Variants in KCTD1 observed in about 807,000 individuals in gnomAD.
KCTD1 encodes the protein BTB/POZ domain-containing protein KCTD1.
A neutral mutation model predicts 66.0 loss-of-function variants in KCTD1; 24 were observed. The observed-to-expected ratio is 0.36, with a 90% CI of 0.26 to 0.51. KCTD1 has a LOEUF of 0.51. Ranked by LOEUF, KCTD1 falls within the 20% of genes least tolerant of loss-of-function variation. KCTD1 has a pLI of 0.95. For synonymous variants in KCTD1, 511 were observed against 517.2 expected (o/e 0.99, Z 0.16); for missense variants, 943 against 1,205.2 (o/e 0.78, Z 3.22).
intron 1 of KCTD1, chr18:26,566,516 G>A (rs549040961): frequency 5.3e-5 from 8 of 152,340 alleles, no homozygotes; most frequent in African/African-American, 1.7e-4. Flanking sequence ...ACAATTCGCT[G>A]AGAAGACAGC....
At chr18:26,500,370 T>C (rs2144677683) in intron 2 of KCTD1, among the ~76,000 whole-genome samples, 1 of 152,034 alleles carries the variant, frequency 6.6e-6, no homozygotes, top group African/African-American at 2.4e-5. Flanking sequence ...CAATGAGCCA[T>C]GTTTGCACCA....
At position 26,509,803 on chromosome 18, in the gene KCTD1, C is replaced by A. The variant is rs1983241665; in HGVS notation, c.1810-8553G>T. Among the ~76,000 whole-genome samples the A allele has an allele frequency of 2.0e-5, 3 of 152,204 alleles. No individual in the cohort carries two copies. The South Asian group carries it at 6.2e-4, about 32-fold the overall frequency. On this transcript the variant is annotated intron_variant, in intron 1 of 4. Coordinates refer to ENST00000580059, the MANE Select transcript of KCTD1 (RefSeq NM_001142730.3). Reference sequence around the variant, plus strand: ...AAGTAAGGGTACAGGAGAAAAAGCCCTGTTCCTTCGGAATCTGAAGACCTG... The same window carrying A: ...AAGTAAGGGTACAGGAGAAAAAGCCATGTTCCTTCGGAATCTGAAGACCTG...
At chr18:26,635,590 T>A (rs1987707202) in intron 1 of KCTD1, among the ~76,000 whole-genome samples, 1 of 152,206 alleles carries the variant, frequency 6.6e-6, no homozygotes, top group Non-Finnish European at 1.5e-5. Flanking sequence ...TCTCTTAAGC[T>A]AGAGCAGTGC....
At chr18:26,580,194 T>C (rs1235248449) in intron 1 of KCTD1, among the ~76,000 whole-genome samples, 2 of 152,158 alleles carry the variant, frequency 1.3e-5, no homozygotes, top group East Asian at 3.9e-4. Context: ...AAGGCAAAGT[T>C]CCTGCTTGCT....
chr18:26,533,708 A>C (rs555723001), intron 1 of KCTD1, among the ~76,000 whole-genome samples: 1 of 152,078 alleles, frequency 6.6e-6, no homozygotes, highest in East Asian at 1.9e-4. Flanking sequence ...CATATTGCCC[A>C]GGCTGGTTTC....
intron 3 of KCTD1, among the ~76,000 whole-genome samples, chr18:26,471,979 C>A (rs530247838): frequency 1.2e-4 from 19 of 152,148 alleles, no homozygotes; most frequent in Non-Finnish European, 1.9e-4. Flanking sequence ...ATGACGGATG[C>A]GCTGACAGAT....
At position 26,541,239 on chromosome 18, in the gene KCTD1, C is replaced by T. The variant is rs1220000470; in HGVS notation, c.1809+5489G>A. ...CTGGAGAAAGAGGAGCTGAATCACACACCTCAGGATGGAGAGGGTCTTCAG... is the reference window on the plus strand; with the variant it reads ...CTGGAGAAAGAGGAGCTGAATCACATACCTCAGGATGGAGAGGGTCTTCAG... On this transcript the variant is annotated intron_variant, in intron 1 of 4. Transcript: ENST00000580059. Among the ~76,000 whole-genome samples, 4 of 152,200 alleles carry T rather than the reference C, an allele frequency of 2.6e-5. No homozygotes were observed. The East Asian group carries it at 5.8e-4, about 22-fold the overall frequency.
chr18:26,529,537 C>G (rs1208753733), intron 1 of KCTD1, among the ~76,000 whole-genome samples: 1 of 152,116 alleles, frequency 6.6e-6, no homozygotes, highest in Non-Finnish European at 1.5e-5. Flanking sequence ...TCTCTCTGCA[C>G]CCCCAGAAGT....
chr18:26,643,329 C>G (rs1343733521), upstream of KCTD1, among the ~76,000 whole-genome samples: 3 of 152,140 alleles, frequency 2.0e-5, no homozygotes, highest in African/African-American at 7.2e-5. Flanking sequence ...GTCCCTATCT[C>G]TAAATACAGC....
intron 3 of KCTD1, among the ~76,000 whole-genome samples, chr18:26,463,040 A>G (rs909232240): frequency 6.6e-6 from 1 of 152,230 alleles, no homozygotes; most frequent in East Asian, 1.9e-4. Context: ...AAGGAAATGA[A>G]TTCACAACAT....
At chr18:26,493,470 G>A (rs1210936284) in intron 2 of KCTD1, among the ~76,000 whole-genome samples, 2 of 152,012 alleles carry the variant, frequency 1.3e-5, no homozygotes, top group Non-Finnish European at 2.9e-5. Context: ...TGTCAAAGTG[G>A]GCCTATTTAT....
rs528671576 is a variant in KCTD1, at chr18:26,493,418, A to G, written c.1988+7654T>C. Among the ~76,000 whole-genome samples the G allele has an allele frequency of 8.6e-5, 13 of 151,970 alleles. No individual in the cohort carries two copies. In the South Asian group the frequency reaches 2.1e-3, roughly 24 times the overall value. On this transcript the variant is annotated intron_variant, in intron 2 of 4. Transcript: ENST00000580059. ...AGATGTATTTTTTGGGGGGAAAAAC[A>G]TGTAGGAATAAAATTAGTTTTAATA...
At chr18:26,536,032 C>T (rs1984694419) in intron 1 of KCTD1, among the ~76,000 whole-genome samples, 2 of 151,240 alleles carry the variant, frequency 1.3e-5, no homozygotes, top group South Asian at 4.2e-4. Context: ...TAGCCCAGTA[C>T]CTGACACTAG....
chr18:26,515,762 G>A lies in KCTD1; in HGVS notation c.1810-14512C>T, dbSNP rs193179889. Among the ~76,000 whole-genome samples the A allele has an allele frequency of 1.4e-4, 21 of 151,984 alleles. No homozygotes were observed. In the East Asian group the frequency reaches 2.7e-3, roughly 20 times the overall value. On this transcript the variant is annotated intron_variant, in intron 1 of 4. Coordinates refer to ENST00000580059, the MANE Select transcript of KCTD1 (RefSeq NM_001142730.3). ...TGGCCTCAGGTGATCCACCCACCTC[G>A]GCCTCCCAAAGTGCTAGGATTACAG...
At chr18:26,632,362 G>T (rs1002444894), upstream of KCTD1, among the ~76,000 whole-genome samples, 4 of 151,998 alleles carry the variant, frequency 2.6e-5, no homozygotes, top group Non-Finnish European at 4.4e-5. Context: ...CTCCAGCCTG[G>T]GTGACAGAGT....
chr18:26,456,943 CAAAA>C (rs1293998125), intron 4 of KCTD1: 1 of 145,796 alleles, frequency 6.9e-6, no homozygotes. Context: ...AAAAACAAAA[CAAAA>C]AAACCCACCT....
Position 26,654,891 on chromosome 18 carries a change from GCAGT to G in KCTD1, c.9+2465_9+2468del, listed in dbSNP as rs1366417078. 5.3e-5 allele frequency among the ~76,000 whole-genome samples: 8 copies of G among 152,316 alleles called. No individual in the cohort carries two copies. The East Asian group carries it at 1.4e-3, about 26-fold the overall frequency. ...AGCAGGACTCCCGAGTCAAACTGTT[GCAGT>G]CAGTGTTTTAGTTTCCTGAATATCA... On this transcript the variant is annotated intron_variant, in intron 1 of 4. Transcript: ENST00000580191.
At chr18:26,492,380 T>A (rs1265880219) in intron 2 of KCTD1, among the ~76,000 whole-genome samples, 1 of 151,934 alleles carries the variant, frequency 6.6e-6, no homozygotes, top group Non-Finnish European at 1.5e-5. Flanking sequence ...ATGCCTATAA[T>A]CCCAGCACTT....
intron 1 of KCTD1, among the ~76,000 whole-genome samples, chr18:26,583,297 G>A (rs1180581348): frequency 1.3e-5 from 2 of 150,592 alleles, no homozygotes; most frequent in Non-Finnish European, 2.9e-5. Context: ...AGGAGGCTGA[G>A]GCAGGAGAAT....
Sources: allele counts gnomAD v4.1 joint callset (sites outside exome capture counted in the v4.1 genomes callset), GRCh38; gene constraint gnomAD v4.1.1; transcripts MANE v1.5; gene names NCBI Gene and HGNC (gene_info 2026-07-23, HGNC 2026-07-21).